Variants in GSG1L observed in about 807,000 individuals in gnomAD.
The protein encoded by GSG1L is GSG1 like.
GSG1L carries 24 observed loss-of-function variants against 42.1 expected under a neutral mutation model. That is an observed-to-expected ratio of 0.57 (90% CI 0.41 to 0.80). GSG1L has a LOEUF of 0.80. GSG1L is among the 30% of genes least tolerant of loss of function. The probability of loss-of-function intolerance (pLI) is 0.00; values close to 1 mark genes in which losing one functional copy is unlikely to be tolerated. For missense variants in GSG1L, 445 were observed against 472.2 expected (o/e 0.94, Z 0.53); for synonymous variants, 215 against 203.5 (o/e 1.06, Z -0.48).
chr16:28,018,507 C>G (rs888164280), intron 1 of GSG1L, among the ~76,000 whole-genome samples: 1 of 152,284 alleles, frequency 6.6e-6, no homozygotes, highest in East Asian at 1.9e-4. Context: ...CCCCAAAAGC[C>G]CCCAGCAGAG....
intron 5 of GSG1L, among the ~76,000 whole-genome samples, chr16:27,807,856 A>G (rs540949171): frequency 6.6e-6 from 1 of 152,330 alleles, no homozygotes; most frequent in East Asian, 1.9e-4. Flanking sequence ...AAAAGAGGAA[A>G]ATAAATTATT....
chr16:27,804,040 T>TAGATAG (rs1555500784), intron 6 of GSG1L, among the ~76,000 whole-genome samples: 3 of 85,692 alleles, frequency 3.5e-5, no homozygotes, highest in African/African-American at 1.2e-4. Flanking sequence ...ATTAGATGGA[T>TAGATAG]AGATAGATAG....
chr16:27,942,461 C>T (rs1324459468), intron 2 of GSG1L, among the ~76,000 whole-genome samples: 5 of 131,984 alleles, frequency 3.8e-5, no homozygotes, highest in Admixed American at 1.6e-4. Flanking sequence ...AAAATGAGAA[C>T]TTCTTAAAAG....
rs1488855807 is a variant in GSG1L at position 27,803,790 on chromosome 16, TATATAG to T, written c.898+3691_898+3696del. Among the ~76,000 whole-genome samples, 60 of 109,942 alleles carry T rather than the reference TATATAG, an allele frequency of 5.5e-4. 1 individual carries two copies. Among genetic ancestry groups the T allele is most frequent in the African/African-American group, 2.0e-3 (58 of 29,406 alleles). 72.1% of individuals were successfully genotyped at this position (109,942 alleles called of 152,430 possible). A position where few individuals can be genotyped will look rare whatever the true frequency, so the allele number is the denominator to read the frequency against. On this transcript the variant is annotated intron_variant, in intron 6 of 6. Coordinates refer to ENST00000447459, the MANE Select transcript of GSG1L (RefSeq NM_001109763.2). The stretch of plus-strand genomic sequence containing the variant: ...ACATATATATATATATATATATATA[TATATAG>T]ATAGATAGATATAGATATAGATATA...
rs532619883 is a variant in GSG1L, at chr16:28,020,781, C to T, written c.349+42295G>A. 1.0e-3 allele frequency among the ~76,000 whole-genome samples: 159 copies of T among 152,246 alleles called. No individual in the cohort carries two copies. In the South Asian group the frequency reaches 0.015, roughly 14 times the overall value. On this transcript the variant is annotated intron_variant, in intron 1 of 6. Transcript: ENST00000447459. ...GAAGCCAGCTGCCATGTTGTGAGGA[C>T]GCTCAAGCAGCCCCGTGGCAAGGTT...
chr16:27,801,007 T>C (rs2082875315), intron 6 of GSG1L, among the ~76,000 whole-genome samples: 1 of 151,896 alleles, frequency 6.6e-6, no homozygotes, highest in Admixed American at 6.6e-5. Flanking sequence ...AGGGAAGGCT[T>C]CTCGGAGGAA....
chr16:27,960,882 C>T (rs1281281524), intron 2 of GSG1L, among the ~76,000 whole-genome samples: 9 of 152,112 alleles, frequency 5.9e-5, no homozygotes, highest in Admixed American at 2.6e-4. Context: ...AGAAGGTTCT[C>T]GGTGTGGCTG....
Position 27,994,189 on chromosome 16 carries a change from T to C in GSG1L, c.350-30986A>G, listed in dbSNP as rs150886634. On this transcript the variant is annotated intron_variant, in intron 1 of 6. Transcript: ENST00000447459. ...CTACATTCTGGTGCATTGGCGAGAC[T>C]GTAACATAAGGATAGGAGAAAGGCT... 4.2e-3 allele frequency among the ~76,000 whole-genome samples: 646 copies of C among 152,246 alleles called. 6 individuals are homozygous for C. Among genetic ancestry groups the C allele is most frequent in the Non-Finnish European group, 4.2e-3 (284 of 68,034 alleles).
chr16:27,834,392 C>T (rs2083301722), intron 4 of GSG1L, among the ~76,000 whole-genome samples: 1 of 151,492 alleles, frequency 6.6e-6, no homozygotes, highest in Non-Finnish European at 1.5e-5. Context: ...GTCTATTAGT[C>T]TGCGGTTCTT....
chr16:27,888,557 TTCTTTCTTTCTTTCTTTC>T (rs1278506158), intron 2 of GSG1L, among the ~76,000 whole-genome samples: 12 of 80,432 alleles, frequency 1.5e-4, no homozygotes, highest in Non-Finnish European at 2.9e-4. Context: ...CTTTCTTTCT[TTCTTTCTTTCTTTCTTTC>T]TTTCTTTCTC....
chr16:27,844,724 T>C (rs2083423199), intron 4 of GSG1L, among the ~76,000 whole-genome samples: 7 of 152,212 alleles, frequency 4.6e-5, no homozygotes, highest in Admixed American at 4.6e-4. Context: ...CATCCTTAGC[T>C]TGAGGGCTGC....
At chr16:28,053,746 C>T (rs932296548) in intron 1 of GSG1L, among the ~76,000 whole-genome samples, 2 of 152,188 alleles carry the variant, frequency 1.3e-5, no homozygotes. Context: ...TCTGTGCATG[C>T]ATGCGTGTGT....
intron 6 of GSG1L, among the ~76,000 whole-genome samples, chr16:27,798,046 G>A (rs2082840473): frequency 6.6e-6 from 1 of 152,080 alleles, no homozygotes; most frequent in Non-Finnish European, 1.5e-5. Flanking sequence ...ATGGGAGTGG[G>A]GTAAGGGTTG....
At chr16:27,987,804 G>A (rs1400634719) in intron 1 of GSG1L, among the ~76,000 whole-genome samples, 1 of 151,996 alleles carries the variant, frequency 6.6e-6, no homozygotes, top group Non-Finnish European at 1.5e-5. Context: ...AAAACTAGCC[G>A]AGCGTGGTGG....
chr16:27,921,089 CA>C (rs1453108378), intron 2 of GSG1L, among the ~76,000 whole-genome samples: 7 of 152,178 alleles, frequency 4.6e-5, no homozygotes, highest in Non-Finnish European at 8.8e-5. Context: ...AGCCACTTTT[CA>C]AAGCAAAAAT....
intron 2 of GSG1L, among the ~76,000 whole-genome samples, chr16:27,897,178 A>T (rs920487888): frequency 6.6e-6 from 1 of 152,162 alleles, no homozygotes; most frequent in South Asian, 2.1e-4. Flanking sequence ...CTGATTTTTA[A>T]GTCTCATCTT....
chr16:27,960,760 C>G (rs1484823769), intron 2 of GSG1L, among the ~76,000 whole-genome samples: 2 of 152,158 alleles, frequency 1.3e-5, no homozygotes, highest in Non-Finnish European at 2.9e-5. Flanking sequence ...CTGCCAACCT[C>G]AAGCGAGAGC....
At chr16:27,887,973 G>C in intron 2 of GSG1L, 1 of 463,956 alleles carries the variant, frequency 2.2e-6, no homozygotes, top group Non-Finnish European at 2.8e-6. Flanking sequence ...AGGCAGCGGG[G>C]AGCAAAGCAG....
chr16:27,796,091 T>TG (rs1458310050), intron 6 of GSG1L, among the ~76,000 whole-genome samples: 1 of 152,140 alleles, frequency 6.6e-6, no homozygotes, highest in Non-Finnish European at 1.5e-5. Context: ...GGGTAACAGG[T>TG]GGCAGGTATT....
Sources: gnomAD v4.1 joint callset for allele counts (sites outside exome capture counted in the v4.1 genomes callset) on GRCh38, gnomAD v4.1.1 for gene constraint, MANE v1.5 for transcripts, NCBI Gene and HGNC (gene_info 2026-07-23, HGNC 2026-07-21) for gene names.